Variants in NBR1 observed in about 807,000 individuals in gnomAD.
NBR1 encodes the protein next to BRCA1 gene 1 protein.
A neutral mutation model predicts 115.5 loss-of-function variants in NBR1; 59 were observed. The ratio of observed to expected loss-of-function variants is 0.51; its 90% CI spans 0.41 to 0.63. NBR1 has a LOEUF of 0.63. NBR1 is among the 30% of genes least tolerant of loss of function. NBR1 has a pLI of 0.00. For missense variants in NBR1, 1,043 were observed against 1,150.5 expected (o/e 0.91, Z 1.35); for synonymous variants, 373 against 414.7 (o/e 0.90, Z 1.22).
intron 12 of NBR1, 86 bp from the exon 13 acceptor site, chr17:43,194,264 G>C: frequency 8.3e-7 from 1 of 1,212,084 alleles, no homozygotes; most frequent in African/African-American, 1.5e-5. Context: ...AGGTACAGCA[G>C]CGTTTTTATT....
intron 1 of NBR1, among the ~76,000 whole-genome samples, chr17:43,174,935 A>C (rs1430655241): frequency 2.0e-5 from 3 of 150,890 alleles, no homozygotes; most frequent in Non-Finnish European, 4.4e-5. Flanking sequence ...CCCTACCAAA[A>C]ATACAAAAAA....
chr17:43,191,261 AAAAAAG>A, intron 9 of NBR1, 105 bp from the exon 10 acceptor site: 1 of 791,974 alleles, frequency 1.3e-6, no homozygotes, highest in Non-Finnish European at 2.0e-6. Flanking sequence ...TTCTAAAACA[AAAAAAG>A]AAATTAAACT....
chr17:43,190,733 A>G lies in NBR1; in HGVS notation c.820A>G (p.Lys274Glu), dbSNP rs768259314. ...CTCCTCTGAACCGTTCTGTCACTCA[A>G]AGTACTCTACTCCTCGTCTTCCTGC... ...VGSSEPFCHS[K>E]YSTPRLPAAL... The change falls in exon 9 of 21, where the codon AAG becomes GAG. Residue 274 changes from lysine (K) to glutamate (E), a missense_variant. Transcript: ENST00000590996. 6.2e-6 allele frequency: 10 copies of G among 1,613,454 alleles called. No individual in the cohort carries two copies. Among genetic ancestry groups the G allele is most frequent in the Admixed American group, 1.7e-5 (1 of 59,968 alleles).
intron 5 of NBR1, among the ~76,000 whole-genome samples, chr17:43,181,455 A>G (rs923722966): frequency 3.4e-5 from 5 of 148,688 alleles, no homozygotes; most frequent in African/African-American, 1.2e-4. Flanking sequence ...GTGGATCACG[A>G]GGTCAGGAGA....
intron 20 of NBR1, 103 bp downstream of exon 20, chr17:43,203,889 C>A: frequency 1.6e-6 from 1 of 614,216 alleles, no homozygotes. Context: ...GTGGAAAGGG[C>A]ATAGGCTTTA....
chr17:43,191,125 G>GTA, intron 9 of NBR1, among the ~76,000 whole-genome samples: 1 of 152,176 alleles, frequency 6.6e-6, no homozygotes, highest in Admixed American at 6.5e-5. Context: ...GTGGTGGTGC[G>GTA]TACCTATAGT....
At chr17:43,179,679 C>A (rs555164223) in intron 4 of NBR1, among the ~76,000 whole-genome samples, 2 of 152,230 alleles carry the variant, frequency 1.3e-5, no homozygotes, top group South Asian at 4.1e-4. Flanking sequence ...CCCAGTTCAA[C>A]ACATATAAGT....
intron 6 of NBR1, among the ~76,000 whole-genome samples, chr17:43,188,451 G>C (rs1380908600): frequency 1.3e-5 from 2 of 152,166 alleles, no homozygotes; most frequent in Non-Finnish European, 2.9e-5. Flanking sequence ...CTGTGCAGAA[G>C]CTCTTTAGTT....
intron 17 of NBR1, among the ~76,000 whole-genome samples, chr17:43,201,061 GTT>G (rs2057187305): frequency 6.6e-6 from 1 of 152,018 alleles, no homozygotes; most frequent in Non-Finnish European, 1.5e-5. Context: ...TAGAAGCGGG[GTT>G]TTGCCACGTT....
intron 20 of NBR1, among the ~76,000 whole-genome samples, chr17:43,208,441 G>A (rs903309992): frequency 6.6e-6 from 1 of 152,196 alleles, no homozygotes; most frequent in Admixed American, 6.5e-5. Context: ...GTGGAATCAG[G>A]TTTGGAGGGA....
In NBR1 at chr17:43,197,054, C is replaced by G; in HGVS notation, c.1974C>G (p.Thr658=). ...GTGAGACAGTAATCCGATCCCTTACCTTGGATGCTGCCCCAGACCACAACC... is the reference window on the plus strand; with the variant it reads ...GTGAGACAGTAATCCGATCCCTTACGTTGGATGCTGCCCCAGACCACAACC... ...FVCETVIRSL[T]LDAAPDHNPP... The change falls in exon 16 of 21, where the codon ACC becomes ACG. Residue 658 remains threonine (T), a synonymous_variant. Coordinates refer to ENST00000590996, the MANE Select transcript of NBR1 (RefSeq NM_005899.5). 1 of 1,613,992 alleles carries G rather than the reference C, an allele frequency of 6.2e-7. No homozygotes were observed. The highest frequency in any genetic ancestry group is 8.5e-7 in the Non-Finnish European group (1 of 1,179,890).
chr17:43,209,176 A>T (rs535454049), intron 20 of NBR1, among the ~76,000 whole-genome samples: 2 of 151,172 alleles, frequency 1.3e-5, no homozygotes, highest in Admixed American at 1.3e-4. Flanking sequence ...TCCTGGGTTC[A>T]CGCCGTTGTC....
rs746574380 is a variant in NBR1 at position 43,200,531 on chromosome 17, C to G, written c.2391C>G (p.Asp797Glu). 7 of 1,614,010 alleles carry G rather than the reference C, an allele frequency of 4.3e-6. No individual in the cohort carries two copies. In the Admixed American group the frequency reaches 1.2e-4, roughly 27 times the overall value. The change falls in exon 17 of 21, where the codon GAC becomes GAG. Residue 797 changes from aspartate (D) to glutamate (E), a missense_variant. Physicochemically the swap from Asp to Glu is conservative, Grantham distance 45. Transcript: ENST00000590996. ...AGCCACAGGAGCACAGCATAAGTGA[C>G]ATCCTCACGACCTCACAGACTCTGG... ...ENQPQEHSISDILTTSQTLET... is the reference protein window; with the variant it reads ...ENQPQEHSISEILTTSQTLET...
intron 10 of NBR1, 74 bp from the exon 11 acceptor site, chr17:43,193,020 C>G: frequency 6.8e-7 from 1 of 1,468,248 alleles, no homozygotes; most frequent in Non-Finnish European, 9.3e-7. Flanking sequence ...CAGTCAGACT[C>G]TCAAGCTAGT....
rs1414722653 is a variant in NBR1, at chr17:43,208,835, C to T, written c.2728-1066C>T. ...TTTAAAAATTTGCCGGGCGTGGTAG[C>T]GCAGACCAGTGGTCCCAGCTATTTG... On this transcript the variant is annotated intron_variant, in intron 20 of 20. Coordinates refer to ENST00000590996, the MANE Select transcript of NBR1 (RefSeq NM_005899.5). Among the ~76,000 whole-genome samples the T allele has an allele frequency of 2.6e-5, 4 of 152,168 alleles. No homozygotes were observed. In the East Asian group the frequency reaches 7.7e-4, roughly 29 times the overall value.
intron 14 of NBR1, 32 bp from the exon 15 acceptor site, chr17:43,196,447 CTT>C: frequency 1.5e-6 from 2 of 1,316,874 alleles, no homozygotes; most frequent in Non-Finnish European, 2.1e-6. Flanking sequence ...GATGCTTTCT[CTT>C]GATTGATGGT....
At position 43,185,117 on chromosome 17, in the gene NBR1, A is replaced by T. The variant is rs564008340; in HGVS notation, c.208-1133A>T. 3.3e-5 allele frequency among the ~76,000 whole-genome samples: 5 copies of T among 151,948 alleles called. No individual in the cohort carries two copies. The South Asian group carries it at 1.0e-3, about 32-fold the overall frequency. ...AAAAGAAAAAAAAAAAAACAGAAAA[A>T]TAGTAACCCAGTTAAGGAGAATCTT... On this transcript the variant is annotated intron_variant, in intron 5 of 20. Coordinates refer to ENST00000590996, the MANE Select transcript of NBR1 (RefSeq NM_005899.5).
At chr17:43,176,056 T>C (rs760127547) in intron 2 of NBR1, 155 bp downstream of exon 2, 48 of 536,822 alleles carry the variant, frequency 8.9e-5, no homozygotes, top group Non-Finnish European at 1.5e-4. Context: ...GGTTTCAGTA[T>C]TCATATATGA....
intron 19 of NBR1, 21 bp from the exon 20 acceptor site, chr17:43,203,660 T>A: frequency 6.7e-7 from 1 of 1,490,834 alleles, no homozygotes; most frequent in South Asian, 1.2e-5. Context: ...TTTGGGGAGA[T>A]AATTTGGTTT....
Sources: allele counts gnomAD v4.1 joint callset (sites outside exome capture counted in the v4.1 genomes callset), GRCh38; gene constraint gnomAD v4.1.1; transcripts MANE v1.5; gene names NCBI Gene and HGNC (gene_info 2026-07-23, HGNC 2026-07-21).